Variants in SLIT2 observed in about 807,000 individuals in gnomAD.
SLIT2 encodes the protein slit homolog 2 protein.
In SLIT2, 41 loss-of-function variants were observed where a neutral mutation model predicts 185.7. The observed-to-expected ratio is 0.22, with a 90% CI of 0.17 to 0.29. The LOEUF is 0.29. SLIT2 is among the 10% of genes least tolerant of loss of function. The probability of loss-of-function intolerance (pLI) is 1.00; values close to 1 mark genes in which losing one functional copy is unlikely to be tolerated. For missense variants in SLIT2, 1,571 were observed against 1,909.0 expected, an observed-to-expected ratio of 0.82 and a Z score of 3.30; for synonymous variants, 693 against 680.2, an observed-to-expected ratio of 1.02 and a Z score of -0.29.
chr4:20,328,512 T>C (rs575870708), intron 4 of SLIT2, among the ~76,000 whole-genome samples: 110 of 152,226 alleles, frequency 7.2e-4, no homozygotes, highest in Non-Finnish European at 1.3e-3. Context: ...TTGTAGATTT[T>C]CTAATTTGTA....
At chr4:20,259,943 G>A (rs1577333490) in intron 3 of SLIT2, among the ~76,000 whole-genome samples, 1 of 151,756 alleles carries the variant, frequency 6.6e-6, no homozygotes, top group African/African-American at 2.4e-5. Context: ...ATTGTTATCT[G>A]ACAGCCAATT....
chr4:20,602,256 C>A (rs1362249872), intron 33 of SLIT2, among the ~76,000 whole-genome samples: 1 of 152,096 alleles, frequency 6.6e-6, no homozygotes, highest in Non-Finnish European at 1.5e-5. Flanking sequence ...GTGCTTCTTT[C>A]TTTAAATTCA....
chr4:20,333,476 T>G (rs1038277408), intron 4 of SLIT2, among the ~76,000 whole-genome samples: 2 of 152,158 alleles, frequency 1.3e-5, no homozygotes, highest in Non-Finnish European at 2.9e-5. Flanking sequence ...CTCCCTCCAC[T>G]GAAAACAGAT....
Position 20,298,523 on chromosome 4 carries a change from C to A in SLIT2, c.395+29642C>A, listed in dbSNP as rs186369258. Among the ~76,000 whole-genome samples the A allele has an allele frequency of 3.6e-4, 55 of 152,314 alleles. No homozygotes were observed. The East Asian group carries it at 0.01, about 28-fold the overall frequency. On this transcript the variant is annotated intron_variant, in intron 4 of 36. Coordinates refer to ENST00000504154, the MANE Select transcript of SLIT2 (RefSeq NM_004787.4). ...GAGTTCTCTTGTGGACCTGTGGGAA[C>A]AGCAGGACCCAGAGTTTACTATATA...
intron 4 of SLIT2, among the ~76,000 whole-genome samples, chr4:20,331,780 A>C (rs894660934): frequency 1.3e-5 from 2 of 152,120 alleles, no homozygotes; most frequent in Non-Finnish European, 2.9e-5. Flanking sequence ...ACCCATTGCC[A>C]GTCACTTTTT....
intron 23 of SLIT2, 39 bp from the exon 24 acceptor site, chr4:20,549,018 A>T (rs777823585): frequency 1.6e-5 from 20 of 1,262,572 alleles, no homozygotes; most frequent in Non-Finnish European, 2.2e-5. Flanking sequence ...CCATTTTTGG[A>T]TTTCTGAATA....
At chr4:20,491,990 C>T in intron 9 of SLIT2, 91 bp downstream of exon 9, 3 of 1,262,612 alleles carry the variant, frequency 2.4e-6, no homozygotes, top group Non-Finnish European at 3.4e-6. Context: ...ATCGAAGGCA[C>T]ATCTGATCAA....
chr4:20,438,107 C>T (rs1729482011), intron 4 of SLIT2, among the ~76,000 whole-genome samples: 1 of 152,048 alleles, frequency 6.6e-6, no homozygotes, highest in South Asian at 2.1e-4. Flanking sequence ...GGAATACTCT[C>T]TTTTCTGGTC....
Position 20,253,757 on chromosome 4 carries a change from C to T in SLIT2, c.-59C>T, listed in dbSNP as rs1438724253. 8 of 1,575,670 alleles carry T rather than the reference C, an allele frequency of 5.1e-6. No individual in the cohort carries two copies. The highest frequency in any genetic ancestry group is 3.4e-5 in the Admixed American group (2 of 59,032). ...GGCCTCAGACACTGCGCGGTTCCCT[C>T]GGAGCAGCAAGCTAAAGAAAGCCCC... On this transcript the variant is annotated 5_prime_UTR_variant, in exon 1 of 37. Coordinates refer to ENST00000504154, the MANE Select transcript of SLIT2 (RefSeq NM_004787.4).
At chr4:20,608,898 GA>G (rs893723201) in intron 33 of SLIT2, among the ~76,000 whole-genome samples, 17 of 152,082 alleles carry the variant, frequency 1.1e-4, no homozygotes, top group Admixed American at 3.9e-4. Context: ...TTCCATGTTG[GA>G]GCCTTTTTCA....
In SLIT2 at chr4:20,539,529, C is replaced by A. The variant is rs553808717; in HGVS notation, c.1921C>A (p.Gln641Lys). The part of the protein sequence containing the change: ...SVRLLSLYDN[Q>K]ITTVAPGAFD... ...GCGTTTGCTTTCTTTGTATGATAAT[C>A]AAATTACTACAGTTGCACCAGGGGC... Residue 641 changes from glutamine (Q) to lysine (K), a missense_variant, in exon 19 of 37, where the codon CAA (glutamine) becomes AAA (lysine). Gln to Lys is a moderately conservative substitution (Grantham distance 53). Coordinates refer to ENST00000504154, the MANE Select transcript of SLIT2 (RefSeq NM_004787.4). The A allele has an allele frequency of 1.2e-6, 2 of 1,613,056 alleles. No homozygotes were observed. Among genetic ancestry groups the A allele is most frequent in the East Asian group, 2.2e-5 (1 of 44,830 alleles).
intron 4 of SLIT2, among the ~76,000 whole-genome samples, chr4:20,458,963 C>A (rs1318755112): frequency 2.0e-5 from 3 of 152,160 alleles, no homozygotes; most frequent in African/African-American, 7.2e-5. Context: ...TTTCACACTT[C>A]CATCTGTGGA....
At chr4:20,336,424 C>T (rs981387984) in intron 4 of SLIT2, among the ~76,000 whole-genome samples, 5 of 152,106 alleles carry the variant, frequency 3.3e-5, no homozygotes, top group Non-Finnish European at 7.3e-5. Context: ...AGCAAACTAT[C>T]GCAAGAACAG....
intron 28 of SLIT2, among the ~76,000 whole-genome samples, 196 bp downstream of exon 28, chr4:20,567,811 G>T (rs887410614): frequency 1.3e-5 from 2 of 152,034 alleles, no homozygotes; most frequent in African/African-American, 4.8e-5. Context: ...CTCAGCACAG[G>T]ATGCTACAAA....
At chr4:20,371,939 A>G (rs1723614076) in intron 4 of SLIT2, among the ~76,000 whole-genome samples, 1 of 152,074 alleles carries the variant, frequency 6.6e-6, no homozygotes, top group African/African-American at 2.4e-5. Flanking sequence ...GAAGAACTTG[A>G]TGGAAAGTGC....
intron 29 of SLIT2, among the ~76,000 whole-genome samples, chr4:20,579,043 C>A (rs1194829336): frequency 6.6e-6 from 1 of 152,058 alleles, no homozygotes; most frequent in African/African-American, 2.4e-5. Context: ...TGCCTATAAT[C>A]CTGGCACTTT....
In SLIT2 at chr4:20,262,992, G is replaced by A. The variant is rs577991784; in HGVS notation, c.323+5053G>A. Reference sequence around the variant, plus strand: ...CCACATCTGTTTTGGGTCCTCTTTTGTGACAGTGTTTGCTGGATGCCGTGT... The same window carrying A: ...CCACATCTGTTTTGGGTCCTCTTTTATGACAGTGTTTGCTGGATGCCGTGT... On this transcript the variant is annotated intron_variant, in intron 3 of 36. Transcript: ENST00000504154. Among the ~76,000 whole-genome samples the A allele has an allele frequency of 4.0e-5, 6 of 151,850 alleles. No individual in the cohort carries two copies. The East Asian group carries it at 1.2e-3, about 29-fold the overall frequency.
At chr4:20,417,775 C>A (rs1467301495) in intron 4 of SLIT2, among the ~76,000 whole-genome samples, 1 of 151,824 alleles carries the variant, frequency 6.6e-6, no homozygotes, top group Non-Finnish European at 1.5e-5. Flanking sequence ...GCCTCAGCCT[C>A]CCAAAGTGCT....
At chr4:20,271,463 ATATT>A (rs1328731242) in intron 4 of SLIT2, among the ~76,000 whole-genome samples, 5 of 144,424 alleles carry the variant, frequency 3.5e-5, no homozygotes, top group South Asian at 4.2e-4. Context: ...TTTATATATA[ATATT>A]TATATATAAT....
Sources: gnomAD v4.1 joint callset for allele counts (sites outside exome capture counted in the v4.1 genomes callset) on GRCh38, gnomAD v4.1.1 for gene constraint, MANE v1.5 for transcripts, NCBI Gene and HGNC (gene_info 2026-07-23, HGNC 2026-07-21) for gene names.